CNTN4: variants seen among roughly 807,000 people sequenced by gnomAD.
CNTN4 encodes contactin-4.
A neutral mutation model predicts 122.5 loss-of-function variants in CNTN4; 77 were observed. The ratio of observed to expected loss-of-function variants is 0.63; its 90% CI spans 0.52 to 0.76. The LOEUF is 0.76. Among genes scored for constraint, CNTN4 ranks in the 30% least tolerant of loss-of-function variants. The pLI is 0.00. For synonymous variants in CNTN4, 512 were observed against 447.0 expected (o/e 1.15, Z -1.83); for missense variants, 1,256 against 1,259.1 (o/e 1.00, Z 0.04).
intron 4 of CNTN4, among the ~76,000 whole-genome samples, chr3:2,682,372 CTT>C (rs1392221248): frequency 6.6e-6 from 1 of 151,976 alleles, no homozygotes; most frequent in Non-Finnish European, 1.5e-5. Flanking sequence ...TTGTTCTTAA[CTT>C]TTTTTTACTG....
chr3:2,315,506 C>T (rs12490811), intron 2 of CNTN4, among the ~76,000 whole-genome samples: 37 of 151,436 alleles, frequency 2.4e-4, no homozygotes, highest in African/African-American at 8.5e-4. Flanking sequence ...GGTGGGCTTA[C>T]GAGATTTCTA....
chr3:2,982,810 A>G (rs1694153653), intron 13 of CNTN4, among the ~76,000 whole-genome samples: 1 of 152,206 alleles, frequency 6.6e-6, no homozygotes, highest in Non-Finnish European at 1.5e-5. Flanking sequence ...AGAAATGTGT[A>G]TGTTATTGTA....
intron 10 of CNTN4, among the ~76,000 whole-genome samples, chr3:2,898,580 T>C (rs2094139615): frequency 1.3e-5 from 2 of 152,240 alleles, no homozygotes; most frequent in Non-Finnish European, 2.9e-5. Context: ...CTTCCAGCTT[T>C]CTGCATTTTT....
chr3:2,463,790 C>T (rs533725672), intron 3 of CNTN4, among the ~76,000 whole-genome samples: 6 of 152,074 alleles, frequency 3.9e-5, no homozygotes, highest in African/African-American at 7.2e-5. Context: ...AATAAGGAAA[C>T]GTATTATTAA....
chr3:2,331,029 A>G (rs1224572502), intron 2 of CNTN4, among the ~76,000 whole-genome samples: 2 of 152,208 alleles, frequency 1.3e-5, no homozygotes, highest in Admixed American at 1.3e-4. Context: ...ACAAGTTTTC[A>G]TACAATTGTG....
At chr3:2,839,441 C>T (rs2093303646) in intron 7 of CNTN4, among the ~76,000 whole-genome samples, 1 of 151,616 alleles carries the variant, frequency 6.6e-6, no homozygotes, top group Non-Finnish European at 1.5e-5. Flanking sequence ...GTGGGAATCA[C>T]AACAGAAAGA....
intron 6 of CNTN4, among the ~76,000 whole-genome samples, chr3:2,781,955 C>G (rs963714430): frequency 4.7e-5 from 7 of 149,570 alleles, no homozygotes; most frequent in Admixed American, 6.7e-5. Flanking sequence ...GATCTCCTGA[C>G]CTCGTGATCC....
intron 2 of CNTN4, among the ~76,000 whole-genome samples, chr3:2,124,173 G>A (rs1328993915): frequency 6.6e-6 from 1 of 151,824 alleles, no homozygotes; most frequent in African/African-American, 2.4e-5. Flanking sequence ...CCCACTGACA[G>A]AGATTTTGGA....
At chr3:2,169,447 C>G (rs1374349929) in intron 2 of CNTN4, among the ~76,000 whole-genome samples, 1 of 151,978 alleles carries the variant, frequency 6.6e-6, no homozygotes, top group South Asian at 2.1e-4. Flanking sequence ...GGCTCTGTCA[C>G]TCAGGCTGGA....
chr3:2,179,592 A>G (rs967260376), intron 2 of CNTN4, among the ~76,000 whole-genome samples: 2 of 151,978 alleles, frequency 1.3e-5, no homozygotes, highest in South Asian at 2.1e-4. Flanking sequence ...GCAATTTTAT[A>G]CTGAACTTTT....
intron 3 of CNTN4, among the ~76,000 whole-genome samples, chr3:2,530,587 C>T (rs1025485059): frequency 1.2e-4 from 19 of 152,036 alleles, no homozygotes; most frequent in African/African-American, 3.4e-4. Context: ...GGATTACAAG[C>T]GTAAGCCACC....
At chr3:2,169,599 C>A (rs2728521) in intron 2 of CNTN4, among the ~76,000 whole-genome samples, 12 of 150,620 alleles carry the variant, frequency 8.0e-5, no homozygotes, top group African/African-American at 1.7e-4. Flanking sequence ...GGGTTTCACC[C>A]TGCTAGCCAG....
At chr3:2,768,188 G>A (rs2090945077) in intron 6 of CNTN4, among the ~76,000 whole-genome samples, 1 of 152,094 alleles carries the variant, frequency 6.6e-6, no homozygotes. Context: ...AGGTGGCCTC[G>A]ATGCTTCTGA....
intron 4 of CNTN4, among the ~76,000 whole-genome samples, chr3:2,678,417 A>G (rs537651109): frequency 4.6e-5 from 7 of 152,278 alleles, no homozygotes; most frequent in Admixed American, 3.9e-4. Flanking sequence ...TTATCTTACT[A>G]GGTAGCTGCT....
chr3:2,555,860 A>T (rs2078699816), intron 3 of CNTN4, among the ~76,000 whole-genome samples: 1 of 152,166 alleles, frequency 6.6e-6, no homozygotes, highest in African/African-American at 2.4e-5. Flanking sequence ...AACGTGGAGA[A>T]TGGCCTGGAG....
intron 3 of CNTN4, among the ~76,000 whole-genome samples, chr3:2,481,033 T>TTTCTTTCTTTC (rs2075979022): frequency 8.3e-6 from 1 of 120,078 alleles, no homozygotes; most frequent in South Asian, 2.7e-4. Flanking sequence ...TTTCTTTTTC[T>TTTCTTTCTTTC]TTTCTTTCTT....
intron 4 of CNTN4, among the ~76,000 whole-genome samples, chr3:2,605,249 T>C (rs1363930174): frequency 6.6e-6 from 1 of 152,154 alleles, no homozygotes; most frequent in Non-Finnish European, 1.5e-5. Flanking sequence ...TGTTCCCGAG[T>C]TGGGATTACA....
chr3:2,819,922 C>A (rs184161158), intron 7 of CNTN4, among the ~76,000 whole-genome samples: 1 of 152,342 alleles, frequency 6.6e-6, no homozygotes, highest in Admixed American at 6.5e-5. Context: ...TACTTCATTT[C>A]ATCTCCTGGT....
chr3:2,224,453 A>ATAAG (rs2149507632), intron 2 of CNTN4, among the ~76,000 whole-genome samples: 1 of 152,334 alleles, frequency 6.6e-6, no homozygotes, highest in South Asian at 2.1e-4. Context: ...GAGAGAGAGC[A>ATAAG]TAAGGAAGCT....
Sources: gnomAD v4.1 joint callset for allele counts (sites outside exome capture counted in the v4.1 genomes callset) on GRCh38, gnomAD v4.1.1 for gene constraint, MANE v1.5 for transcripts, NCBI Gene and HGNC (gene_info 2026-07-23, HGNC 2026-07-21) for gene names.